Variants in ANO6 observed in about 807,000 individuals in gnomAD.
ANO6 encodes the protein anoctamin 6, also known as anoctamin-6.
Under a neutral mutation model 117.5 loss-of-function variants are expected in ANO6, and 106 were observed. The observed-to-expected ratio is 0.90, with a 90% CI of 0.77 to 1.06. The LOEUF is 1.06. Among genes scored for constraint, ANO6 ranks in the 50% least tolerant of loss-of-function variants. The pLI is 0.00. For synonymous variants in ANO6, 367 were observed against 385.1 expected, an observed-to-expected ratio of 0.95 and a Z score of 0.55; for missense variants, 955 against 1,121.1, an observed-to-expected ratio of 0.85 and a Z score of 2.12.
Position 45,320,431 on chromosome 12 carries a change from G to T in ANO6, c.151-10864G>T, listed in dbSNP as rs562527496. Among the ~76,000 whole-genome samples, 1,092 of 152,244 alleles carry T rather than the reference G, an allele frequency of 7.2e-3. 11 individuals carry two copies. Among genetic ancestry groups the T allele is most frequent in the African/African-American group, 0.025 (1,019 of 41,538 alleles). On this transcript the variant is annotated intron_variant, in intron 2 of 19. Coordinates refer to ENST00000320560, the MANE Select transcript of ANO6 (RefSeq NM_001025356.3). ...AGTTTCCATGTAGTTGAGCGGTTTTGAGTGAGTTTCTTAATCCTGAGTTCT... is the reference window on the plus strand; with the variant it reads ...AGTTTCCATGTAGTTGAGCGGTTTTTAGTGAGTTTCTTAATCCTGAGTTCT...
At chr12:45,367,448 G>C (rs1941714910) in intron 8 of ANO6, among the ~76,000 whole-genome samples, 1 of 152,170 alleles carries the variant, frequency 6.6e-6, no homozygotes, top group African/African-American at 2.4e-5. Context: ...CAGCTGAAAA[G>C]AAACAGTGAT....
intron 1 of ANO6, among the ~76,000 whole-genome samples, chr12:45,241,769 A>G (rs1317627859): frequency 6.6e-6 from 1 of 152,170 alleles, no homozygotes. Context: ...TGTTGATGCT[A>G]TTCCTTTCTA....
At chr12:45,415,310 G>T (rs1943187219) in intron 16 of ANO6, among the ~76,000 whole-genome samples, 3 of 152,130 alleles carry the variant, frequency 2.0e-5, no homozygotes, top group Admixed American at 1.3e-4. Context: ...ATTATAAATG[G>T]TATCTTTTCT....
intron 12 of ANO6, among the ~76,000 whole-genome samples, chr12:45,401,090 A>G (rs1942774271): frequency 6.6e-6 from 1 of 152,238 alleles, no homozygotes; most frequent in South Asian, 2.1e-4. Flanking sequence ...ATACAAGTAC[A>G]AATGACTGCC....
intron 3 of ANO6, among the ~76,000 whole-genome samples, chr12:45,337,596 G>A (rs1011452687): frequency 6.6e-6 from 1 of 152,066 alleles, no homozygotes; most frequent in African/African-American, 2.4e-5. Context: ...TGTAAAAAAA[G>A]TTGAATTCAT....
intron 1 of ANO6, among the ~76,000 whole-genome samples, chr12:45,218,106 A>G (rs1190968315): frequency 2.0e-5 from 3 of 152,198 alleles, no homozygotes; most frequent in Non-Finnish European, 4.4e-5. Context: ...CCAGTCAAAC[A>G]GTGTAGATAG....
In ANO6 at chr12:45,265,245, T is replaced by C. The variant is rs544445979; in HGVS notation, c.71-36769T>C. Among the ~76,000 whole-genome samples the C allele has an allele frequency of 4.0e-3, 606 of 152,288 alleles. 3 individuals are homozygous for C. The highest frequency in any genetic ancestry group is 0.013 in the African/African-American group (552 of 41,556). ...GATTTTAAAGATCATTTCAGACATCTCTTCCTCCCGTGTTGGATCTACTGT... is the reference window on the plus strand; with the variant it reads ...GATTTTAAAGATCATTTCAGACATCCCTTCCTCCCGTGTTGGATCTACTGT... On this transcript the variant is annotated intron_variant, in intron 1 of 19. Coordinates refer to ENST00000320560, the MANE Select transcript of ANO6 (RefSeq NM_001025356.3).
intron 18 of ANO6, among the ~76,000 whole-genome samples, chr12:45,422,240 T>C (rs1464585819): frequency 6.6e-6 from 1 of 152,158 alleles, no homozygotes; most frequent in African/African-American, 2.4e-5. Context: ...TAAAAAATTA[T>C]AACAAGCAGA....
chr12:45,325,078 A>G (rs1318574707), intron 2 of ANO6, among the ~76,000 whole-genome samples: 1 of 152,202 alleles, frequency 6.6e-6, no homozygotes, highest in East Asian at 1.9e-4. Flanking sequence ...GCAGAGGGGA[A>G]CATACAGTTA....
intron 2 of ANO6, among the ~76,000 whole-genome samples, chr12:45,330,090 A>G (rs1222720674): frequency 6.6e-6 from 1 of 152,074 alleles, no homozygotes; most frequent in Non-Finnish European, 1.5e-5. Flanking sequence ...GGTTAAATGC[A>G]CTGGATGAAG....
Position 45,216,108 on chromosome 12 carries a change from C to T in ANO6, c.-214C>T, listed in dbSNP as rs1221284247. 2 of 566,942 alleles carry T rather than the reference C, an allele frequency of 3.5e-6. No homozygotes were observed. Among genetic ancestry groups the T allele is most frequent in the Non-Finnish European group, 6.2e-6 (2 of 321,526 alleles). 35.1% of individuals were successfully genotyped at this position (566,942 alleles called of 1,614,324 possible). On this transcript the variant is annotated 5_prime_UTR_variant, in exon 1 of 20. Transcript: ENST00000320560. The stretch of plus-strand genomic sequence containing the variant: ...CTGGGCATGCTCAGTCTCCGGGCTC[C>T]GCTCGGCAGGCGAGAGGCGTCCTCC...
chr12:45,391,703 C>T (rs1942454961), intron 12 of ANO6, among the ~76,000 whole-genome samples: 1 of 152,138 alleles, frequency 6.6e-6, no homozygotes, highest in South Asian at 2.1e-4. Flanking sequence ...CCTGTCTTTA[C>T]TAAAAATACA....
chr12:45,229,843 C>T (rs137966399), intron 1 of ANO6, among the ~76,000 whole-genome samples: 1 of 152,062 alleles, frequency 6.6e-6, no homozygotes, highest in Non-Finnish European at 1.5e-5. Context: ...AGCCATGTGA[C>T]CCTGAATGAT....
intron 9 of ANO6, among the ~76,000 whole-genome samples, chr12:45,370,895 C>T (rs1021402737): frequency 1.3e-5 from 2 of 152,132 alleles, no homozygotes; most frequent in Middle Eastern, 3.2e-3. Flanking sequence ...GTCTACAGCT[C>T]CCAGCCTGAG....
intron 12 of ANO6, 110 bp downstream of exon 12, chr12:45,390,608 A>C (rs76067095): frequency 0.019 from 18,497 of 976,226 alleles, 500 homozygotes; most frequent in East Asian, 0.11. Context: ...TGAGCCTGGA[A>C]ACTATATGGT....
intron 1 of ANO6, among the ~76,000 whole-genome samples, chr12:45,298,737 C>A (rs979243187): frequency 6.6e-6 from 1 of 152,182 alleles, no homozygotes; most frequent in African/African-American, 2.4e-5. Context: ...GTTCTAATTT[C>A]TTTCACAAAT....
At chr12:45,374,824 A>G (rs967364239) in intron 9 of ANO6, among the ~76,000 whole-genome samples, 8 of 152,222 alleles carry the variant, frequency 5.3e-5, no homozygotes, top group Non-Finnish European at 7.3e-5. Context: ...CACCACTCCT[A>G]TTCAACATAG....
At chr12:45,416,586 T>C (rs1943218854) in intron 16 of ANO6, 113 bp from the exon 17 acceptor site, 1 of 883,264 alleles carries the variant, frequency 1.1e-6, no homozygotes, top group Non-Finnish European at 1.9e-6. Context: ...TTACCACAGA[T>C]GTGTTTTCTC....
chr12:45,432,403 C>A, downstream of ANO6: 10 of 619,454 alleles, frequency 1.6e-5, no homozygotes, highest in South Asian at 1.6e-4. Flanking sequence ...GAACATATAT[C>A]TGCTATTTAC....
Sources: allele counts gnomAD v4.1 joint callset (sites outside exome capture counted in the v4.1 genomes callset), GRCh38; gene constraint gnomAD v4.1.1; transcripts MANE v1.5; gene names NCBI Gene and HGNC (gene_info 2026-07-23, HGNC 2026-07-21).